Variants in OCEL1 observed in about 807,000 individuals in gnomAD.
OCEL1 encodes occludin/ELL domain containing 1, also known as occludin/ELL domain-containing protein 1.
A neutral mutation model predicts 29.4 loss-of-function variants in OCEL1; 24 were observed. The ratio of observed to expected loss-of-function variants is 0.82; its 90% CI spans 0.59 to 1.15. The LOEUF is 1.15. OCEL1 is among the 50% of genes most tolerant of loss of function. OCEL1 has a pLI of 0.00. For synonymous variants in OCEL1, 172 were observed against 145.3 expected (o/e 1.18, Z -1.32); for missense variants, 402 against 352.5 (o/e 1.14, Z -1.13).
At position 17,226,854 on chromosome 19, in the gene OCEL1, T is replaced by C; in HGVS notation, c.231T>C (p.Pro77=). Residue 77 remains proline, a synonymous_variant, in exon 2 of 6, where the codon CCT becomes CCC. Transcript: ENST00000215061. The part of the protein sequence containing the change: ...GSRGHLHTHP[P]GPGPPLQGLA... Reference sequence around the variant, plus strand: ...GGGGGCACCTGCATACTCACCCGCCTGGGCCTGGGCCCCCGGTGAGCCTGA... The same window carrying C: ...GGGGGCACCTGCATACTCACCCGCCCGGGCCTGGGCCCCCGGTGAGCCTGA... 1 of 1,536,024 alleles carries C rather than the reference T, an allele frequency of 6.5e-7. No homozygotes were observed. Among genetic ancestry groups the C allele is most frequent in the Non-Finnish European group, 8.7e-7 (1 of 1,147,674 alleles).
intron 1 of OCEL1, 152 bp downstream of exon 1, chr19:17,226,468 C>A (rs1002827638): frequency 7.4e-5 from 75 of 1,007,134 alleles, no homozygotes; most frequent in Non-Finnish European, 9.8e-5. Flanking sequence ...CCAGGCTGCG[C>A]GGCGACGTCA....
chr19:17,228,540 AT>A (rs1260948821), intron 5 of OCEL1: 11 of 600,334 alleles, frequency 1.8e-5, no homozygotes, highest in Non-Finnish European at 2.8e-5. Context: ...TGCCTGGCAA[AT>A]TTTTGTATTT....
At position 17,228,987 on chromosome 19, in the gene OCEL1, C is replaced by G; in HGVS notation, c.*62C>G. 3.8e-6 allele frequency: 6 copies of G among 1,564,454 alleles called. No individual in the cohort carries two copies. The highest frequency in any genetic ancestry group is 1.7e-6 in the Non-Finnish European group (2 of 1,153,328). ...GCAGGTCCCTTGCATTTCTTGGTAT[C>G]TCTCAGCTTTTCCTCTTGCAGCTCC... On this transcript the variant is annotated 3_prime_UTR_variant, in exon 6 of 6. Transcript: ENST00000215061.
chr19:17,228,775 A>G, intron 5 of OCEL1, 28 bp from the exon 6 acceptor site: 2 of 1,609,216 alleles, frequency 1.2e-6, no homozygotes, highest in Non-Finnish European at 1.7e-6. Context: ...AGACTGCTGC[A>G]AAGACTTCCG....
chr19:17,227,954 G>A lies in OCEL1; in HGVS notation c.567G>A (p.Lys189=), dbSNP rs1392091260. The change falls in exon 4 of 6, where the codon AAG becomes AAA. Residue 189 remains lysine, a synonymous_variant. Coordinates refer to ENST00000215061, the MANE Select transcript of OCEL1 (RefSeq NM_024578.3). ...ACGAGGTGGGGTGTGCACAGGCAAA[G>A]CTCAGGCAGCTGGAGGCCCTGCTGA... ...LQHEVGCAQA[K]LRQLEALLSS... The A allele has an allele frequency of 6.2e-7, 1 of 1,612,992 alleles. No homozygotes were observed. The highest frequency in any genetic ancestry group is 1.1e-5 in the South Asian group (1 of 91,010).
In OCEL1 at chr19:17,227,086, G is replaced by A. The variant is rs1216867819; in HGVS notation, c.339G>A (p.Lys113=). 4 of 1,608,966 alleles carry A rather than the reference G, an allele frequency of 2.5e-6. No homozygotes were observed. Among genetic ancestry groups the A allele is most frequent in the African/African-American group, 1.3e-5 (1 of 74,326 alleles). ...GACCCCACAAGGCAAAGACCAAGAAGATTGTGTTTGAGGATGAGTTGCTCT... is the reference window on the plus strand; with the variant it reads ...GACCCCACAAGGCAAAGACCAAGAAAATTGTGTTTGAGGATGAGTTGCTCT... ...QPGPHKAKTK[K]IVFEDELLSQ... is the part of the protein sequence containing the mutation. The change falls in exon 3 of 6, where the codon AAG becomes AAA. Residue 113 remains lysine (K), a synonymous_variant. Transcript: ENST00000215061.
chr19:17,227,027 A>C lies in OCEL1; in HGVS notation c.280A>C (p.Ser94Arg), dbSNP rs981708123. The C allele has an allele frequency of 3.8e-5, 60 of 1,595,920 alleles. No homozygotes were observed. The highest frequency in any genetic ancestry group is 5.0e-5 in the Non-Finnish European group (59 of 1,174,840). Residue 94 changes from serine to arginine, a missense_variant, in exon 3 of 6, where the codon AGC becomes CGC. Coordinates refer to ENST00000215061, the MANE Select transcript of OCEL1 (RefSeq NM_024578.3). ...ACTGGCGCCCCGAGGCCTCAAAACC[A>C]GCGCCCCCCGCCCTCCGTGCCAGCC... is the stretch of plus-strand genomic sequence containing the variant. ...QGLAPRGLKT[S>R]APRPPCQPQP...
chr19:17,227,036 C>G lies in OCEL1; in HGVS notation c.289C>G (p.Arg97Gly). The G allele has an allele frequency of 6.2e-7, 1 of 1,604,518 alleles. No homozygotes were observed. Among genetic ancestry groups the G allele is most frequent in the Non-Finnish European group, 8.5e-7 (1 of 1,177,762 alleles). ...CCGAGGCCTCAAAACCAGCGCCCCC[C>G]GCCCTCCGTGCCAGCCCCAGCCGGG... Reference protein sequence around the residue: ...APRGLKTSAPRPPCQPQPGPH... With the variant: ...APRGLKTSAPGPPCQPQPGPH... Residue 97 changes from arginine to glycine, a missense_variant, in exon 3 of 6, where the codon CGC (arginine) becomes GGC (glycine). Coordinates refer to ENST00000215061, the MANE Select transcript of OCEL1 (RefSeq NM_024578.3).
rs372142094 is a variant in OCEL1, at chr19:17,226,284, G to C, written c.37G>C (p.Asp13His). 48 of 1,612,438 alleles carry C rather than the reference G, an allele frequency of 3.0e-5. No homozygotes were observed. Among genetic ancestry groups the C allele is most frequent in the Non-Finnish European group, 4.0e-5 (47 of 1,179,612 alleles). Residue 13 changes from aspartate (D) to histidine (H), a missense_variant, in exon 1 of 6, where the codon GAT (aspartate) becomes CAT (histidine). Physicochemically the swap from Asp to His is moderately conservative, Grantham distance 81. Coordinates refer to ENST00000215061, the MANE Select transcript of OCEL1 (RefSeq NM_024578.3). ...GGACGGAAGTGCCTCTCCGACAGCA[G>C]ATCCAGGCTCGGAGCTCCAGACGCT... ...NPDGSASPTA[D>H]PGSELQTLGQ...
Position 17,226,258 on chromosome 19 carries a change from C to T in OCEL1, c.11C>T (p.Pro4Leu). 3 of 1,611,182 alleles carry T rather than the reference C, an allele frequency of 1.9e-6. No homozygotes were observed. Among genetic ancestry groups the T allele is most frequent in the East Asian group, 4.5e-5 (2 of 44,748 alleles). The change falls in exon 1 of 6, where the codon CCG (proline) becomes CTG (leucine). Residue 4 changes from proline to leucine, a missense_variant. Coordinates refer to ENST00000215061, the MANE Select transcript of OCEL1 (RefSeq NM_024578.3). ...TCCATCCTGCAGTAAATGCACAACC[C>T]GGACGGAAGTGCCTCTCCGACAGCA... Reference protein sequence around the residue: MHNPDGSASPTADP... With the variant: MHNLDGSASPTADP...
At position 17,226,243 on chromosome 19, in the gene OCEL1, A is replaced by G. The variant is rs540128915; in HGVS notation, c.-5A>G. 3.5e-5 allele frequency: 57 copies of G among 1,608,046 alleles called. No individual in the cohort carries two copies. Among genetic ancestry groups the G allele is most frequent in the African/African-American group, 1.1e-4 (8 of 74,972 alleles). Reference sequence around the variant, plus strand: ...ACCCCGCCAGTCGGGTCCATCCTGCAGTAAATGCACAACCCGGACGGAAGT... The same window carrying G: ...ACCCCGCCAGTCGGGTCCATCCTGCGGTAAATGCACAACCCGGACGGAAGT... On this transcript the variant is annotated 5_prime_UTR_variant, in exon 1 of 6. Coordinates refer to ENST00000215061, the MANE Select transcript of OCEL1 (RefSeq NM_024578.3).
In OCEL1 at chr19:17,227,885, C is replaced by G; in HGVS notation, c.498C>G (p.Val166=). 1.2e-6 allele frequency: 2 copies of G among 1,613,880 alleles called. No individual in the cohort carries two copies. The highest frequency in any genetic ancestry group is 1.7e-6 in the Non-Finnish European group (2 of 1,180,000). Residue 166 remains valine, a synonymous_variant, in exon 4 of 6, where the codon GTC becomes GTG. Coordinates refer to ENST00000215061, the MANE Select transcript of OCEL1 (RefSeq NM_024578.3). The part of the protein sequence containing the change: ...VSSERERSRY[V]AVFQDQYGEF... ...GTGAGAGGGAACGGAGCCGCTATGT[C>G]GCAGTGTTCCAGGACCAGTACGGAG... is the stretch of plus-strand genomic sequence containing the variant.
intron 3 of OCEL1, among the ~76,000 whole-genome samples, 185 bp downstream of exon 3, chr19:17,227,384 G>A (rs935981966): frequency 2.0e-5 from 3 of 151,218 alleles, no homozygotes; most frequent in African/African-American, 7.3e-5. Flanking sequence ...GTGAGATCCC[G>A]TCTCCGAAAA....
Position 17,226,697 on chromosome 19 carries a change from C to T in OCEL1, c.74C>T (p.Ala25Val), listed in dbSNP as rs1238593680. ...TCTCCGCGTGTCCACCCACAGGCCG[C>T]CCGCAGACCACCCCCGCCGCGCGCG... is the stretch of plus-strand genomic sequence containing the variant. ...GSELQTLGQA[A>V]RRPPPPRAGH... The change falls in exon 2 of 6, where the codon GCC becomes GTC. Residue 25 changes from alanine (A) to valine (V), a missense_variant. Transcript: ENST00000215061. The T allele has an allele frequency of 2.7e-6, 4 of 1,488,664 alleles. No individual in the cohort carries two copies. Among genetic ancestry groups the T allele is most frequent in the Non-Finnish European group, 3.5e-6 (4 of 1,128,316 alleles). The allele number at this position is 1,488,664 out of a possible 1,614,324, so 92.2% of individuals were successfully genotyped here. A position where few individuals can be genotyped will look rare whatever the true frequency, so the allele number is the denominator to read the frequency against.
chr19:17,226,597 G>A (rs979946195), intron 1 of OCEL1, 96 bp from the exon 2 acceptor site: 1 of 1,301,554 alleles, frequency 7.7e-7, no homozygotes, highest in East Asian at 2.6e-5. Context: ...CTCTGCTCCC[G>A]CGGGGTGAGA....
intron 1 of OCEL1, 87 bp from the exon 2 acceptor site, chr19:17,226,606 G>T: frequency 7.5e-7 from 1 of 1,339,040 alleles, no homozygotes; most frequent in Non-Finnish European, 9.8e-7. Context: ...CGCGGGGTGA[G>T]AGTTGGCCGC....
rs776778701 is a variant in OCEL1, at chr19:17,226,694, C to A, written c.71C>A (p.Ala24Asp). 3 of 1,483,308 alleles carry A rather than the reference C, an allele frequency of 2.0e-6. No homozygotes were observed. Among genetic ancestry groups the A allele is most frequent in the Non-Finnish European group, 2.7e-6 (3 of 1,125,680 alleles). 91.9% of individuals were successfully genotyped at this position (1,483,308 alleles called of 1,614,324 possible). A position where few individuals can be genotyped will look rare whatever the true frequency, so the allele number is the denominator to read the frequency against. Residue 24 changes from alanine (A) to aspartate (D), a missense_variant and splice_region_variant, in exon 2 of 6, where the codon GCC (alanine) becomes GAC (aspartate). Transcript: ENST00000215061. ...PGSELQTLGQ[A>D]ARRPPPPRAG... The stretch of plus-strand genomic sequence containing the variant: ...TCCTCTCCGCGTGTCCACCCACAGG[C>A]CGCCCGCAGACCACCCCCGCCGCGC...
chr19:17,228,439 G>A, intron 5 of OCEL1, 130 bp downstream of exon 5: 1 of 931,878 alleles, frequency 1.1e-6, no homozygotes, highest in East Asian at 2.5e-5. Flanking sequence ...AGGCGGGAGT[G>A]CAGTGGTATG....
At position 17,227,992 on chromosome 19, in the gene OCEL1, C is replaced by G. The variant is rs1278425084; in HGVS notation, c.605C>G (p.Pro202Arg). Residue 202 changes from proline (P) to arginine (R), a missense_variant, in exon 4 of 6, where the codon CCA becomes CGA. Physicochemically the swap from Pro to Arg is moderately radical, Grantham distance 103. Transcript: ENST00000215061. The stretch of plus-strand genomic sequence containing the variant: ...GAGGCCCTGCTGAGCTCCCTGCCCC[C>G]ACCCCAAAGCCAGGTCAGCACTAGG... ...QLEALLSSLP[P>R]PQSQKEAQVA... The G allele has an allele frequency of 1.9e-5, 31 of 1,611,892 alleles. No homozygotes were observed. Among genetic ancestry groups the G allele is most frequent in the African/African-American group, 1.3e-4 (10 of 74,810 alleles).
Sources: gnomAD v4.1 joint callset for allele counts (sites outside exome capture counted in the v4.1 genomes callset) on GRCh38, gnomAD v4.1.1 for gene constraint, MANE v1.5 for transcripts, NCBI Gene and HGNC (gene_info 2026-07-23, HGNC 2026-07-21) for gene names.